OR51B5: variants seen among roughly 807,000 people sequenced by gnomAD.
The protein encoded by OR51B5 is olfactory receptor family 51 subfamily B member 5, also known as olfactory receptor 51B5.
For synonymous variants in OR51B5, 186 were observed against 144.8 expected (o/e 1.28, Z -2.04); for missense variants, 456 against 374.6 (o/e 1.22, Z -1.79).
In OR51B5 at chr11:5,463,754, C is replaced by G. The variant is rs550379984; in HGVS notation, n.84+41815G>C. On this transcript the variant is annotated intron_variant and non_coding_transcript_variant, in intron 1 of 4. Coordinates refer to the OR51B5 transcript ENST00000415970. ...TGTTACATTTGAAGGACTCAGTGAC[C>G]CTGGGATTTAGTCATTAGGTTTTAT... is the stretch of plus-strand genomic sequence containing the variant. 4.6e-5 allele frequency among the ~76,000 whole-genome samples: 7 copies of G among 152,240 alleles called. No individual in the cohort carries two copies. In the East Asian group the frequency reaches 7.7e-4, roughly 17 times the overall value.
chr11:5,477,990 C>G (rs1851342378), intron 1 of OR51B5, among the ~76,000 whole-genome samples: 1 of 151,820 alleles, frequency 6.6e-6, no homozygotes, highest in Non-Finnish European at 1.5e-5. Flanking sequence ...CGGGAAGCTC[C>G]AACTGGGTGG....
intron 1 of OR51B5, among the ~76,000 whole-genome samples, chr11:5,397,899 T>C (rs1251589105): frequency 6.6e-6 from 1 of 151,008 alleles, no homozygotes; most frequent in South Asian, 2.1e-4. Flanking sequence ...ATGTCCTTTG[T>C]AGGGACATGG....
At chr11:5,449,740 G>C (rs930210637) in intron 1 of OR51B5, among the ~76,000 whole-genome samples, 4 of 152,136 alleles carry the variant, frequency 2.6e-5, no homozygotes, top group African/African-American at 9.7e-5. Flanking sequence ...AAGGGAAGTG[G>C]TCACAACCTA....
chr11:5,379,586 G>A (rs1198851408), intron 1 of OR51B5, among the ~76,000 whole-genome samples: 1 of 151,868 alleles, frequency 6.6e-6, no homozygotes, highest in Non-Finnish European at 1.5e-5. Flanking sequence ...CTGCTTTTAA[G>A]ATTGGCATAC....
intron 1 of OR51B5, among the ~76,000 whole-genome samples, chr11:5,431,830 G>GA (rs1238887986): frequency 6.6e-6 from 1 of 152,148 alleles, no homozygotes; most frequent in African/African-American, 2.4e-5. Context: ...ATGTTACTTG[G>GA]AAAAGAGATA....
At chr11:5,438,363 C>CTA (rs369977693) in intron 1 of OR51B5, among the ~76,000 whole-genome samples, 1 of 151,602 alleles carries the variant, frequency 6.6e-6, no homozygotes, top group Non-Finnish European at 1.5e-5. Context: ...ACACCCCCCC[C>CTA]CAGTTATCCA....
At chr11:5,439,911 G>A (rs1415297175) in intron 1 of OR51B5, among the ~76,000 whole-genome samples, 1 of 152,154 alleles carries the variant, frequency 6.6e-6, no homozygotes, top group Admixed American at 6.5e-5. Context: ...TACCAGAAAT[G>A]TCAATGATAT....
intron 1 of OR51B5, among the ~76,000 whole-genome samples, chr11:5,388,332 TG>T (rs981544777): frequency 6.6e-6 from 1 of 151,594 alleles, no homozygotes; most frequent in African/African-American, 2.4e-5. Context: ...GAAAATATCA[TG>T]GTAATTAGTG....
At chr11:5,361,512 A>G (rs17355388) in intron 1 of OR51B5, among the ~76,000 whole-genome samples, 57,744 of 152,016 alleles carry the variant, frequency 0.38, 11,207 homozygotes, top group Non-Finnish European at 0.41. Context: ...GTCGGTAAAG[A>G]ACTCCAGTGT....
chr11:5,411,032 C>T (rs1850141883), intron 1 of OR51B5, among the ~76,000 whole-genome samples: 1 of 152,056 alleles, frequency 6.6e-6, no homozygotes, highest in Admixed American at 6.5e-5. Context: ...AGAAAGAAAA[C>T]TATTTTTTAT....
intron 1 of OR51B5, among the ~76,000 whole-genome samples, chr11:5,432,781 G>T (rs768346847): frequency 6.6e-6 from 1 of 152,170 alleles, no homozygotes; most frequent in Non-Finnish European, 1.5e-5. Flanking sequence ...AGTTTCTGCA[G>T]AGCCTAGATT....
intron 1 of OR51B5, among the ~76,000 whole-genome samples, chr11:5,377,117 C>G (rs1849539828): frequency 6.6e-6 from 1 of 152,070 alleles, no homozygotes; most frequent in Non-Finnish European, 1.5e-5. Flanking sequence ...CCACGATGAT[C>G]AAGTGGACTT....
chr11:5,447,575 T>C (rs1256311500), intron 1 of OR51B5, among the ~76,000 whole-genome samples: 1 of 151,430 alleles, frequency 6.6e-6, no homozygotes, highest in African/African-American at 2.4e-5. Flanking sequence ...TATTATGTTA[T>C]CACCGCTCAG....
Position 5,343,300 on chromosome 11 carries a change from T to TG in OR51B5, c.224dup (p.Met76AsnfsTer44), listed in dbSNP as rs768873754. 43 of 1,611,930 alleles carry TG rather than the reference T, an allele frequency of 2.7e-5. No homozygotes were observed. The African/African-American group carries it at 5.3e-4, about 20-fold the overall frequency. The stretch of plus-strand genomic sequence containing the variant: ...AGAGGACTCCCAGCACCGTGGGCAT[T>TG]GTGGTCAGGGCCAGCCCCAGGTCTG... On this transcript the variant is annotated frameshift_variant, in exon 1 of 1. Transcript: ENST00000300773. LOFTEE classifies it low-confidence loss of function (END_TRUNC).
chr11:5,374,680 A>T (rs190174787), intron 1 of OR51B5, among the ~76,000 whole-genome samples: 43 of 152,350 alleles, frequency 2.8e-4, no homozygotes, highest in Admixed American at 2.7e-3. Context: ...GAATGACGTG[A>T]AGAATGGAGA....
intron 1 of OR51B5, among the ~76,000 whole-genome samples, chr11:5,450,426 T>C (rs979037875): frequency 6.6e-6 from 1 of 152,060 alleles, no homozygotes; most frequent in Non-Finnish European, 1.5e-5. Context: ...TGAATAAAAA[T>C]AAGACATAGG....
intron 1 of OR51B5, among the ~76,000 whole-genome samples, chr11:5,364,144 A>C (rs2467234): frequency 0.16 from 23,822 of 152,148 alleles, 2,192 homozygotes; most frequent in Non-Finnish European, 0.21. Context: ...GAAAGAGTAA[A>C]ATTTTCAGGG....
At chr11:5,380,276 G>C (rs548359063) in intron 1 of OR51B5, among the ~76,000 whole-genome samples, 1 of 152,306 alleles carries the variant, frequency 6.6e-6, no homozygotes, top group East Asian at 1.9e-4. Context: ...CACAGATGCA[G>C]GTGTCCAGGG....
At chr11:5,356,926 T>C (rs1248905488) in intron 1 of OR51B5, among the ~76,000 whole-genome samples, 1 of 151,094 alleles carries the variant, frequency 6.6e-6, no homozygotes, top group East Asian at 1.9e-4. Flanking sequence ...AAGCAAATGC[T>C]GAGAGATTTT....
Sources: gnomAD v4.1 joint callset for allele counts (sites outside exome capture counted in the v4.1 genomes callset) on GRCh38, gnomAD v4.1.1 for gene constraint, MANE v1.5 for transcripts, NCBI Gene and HGNC (gene_info 2026-07-23, HGNC 2026-07-21) for gene names.